Variants in DPP10 observed in about 807,000 individuals in gnomAD.
DPP10 encodes the protein inactive dipeptidyl peptidase 10.
A neutral mutation model predicts 120.9 loss-of-function variants in DPP10; 33 were observed. That is an observed-to-expected ratio of 0.27 (90% confidence interval 0.21 to 0.37). The LOEUF is 0.37. Among genes scored for constraint, DPP10 ranks in the 10% least tolerant of loss-of-function variants. The pLI, the probability that DPP10 is intolerant of heterozygous loss-of-function variation, is 1.00. For synonymous variants in DPP10, 337 were observed against 326.1 expected (o/e 1.03, Z -0.36); for missense variants, 816 against 942.8 (o/e 0.87, Z 1.76).
At chr2:115,678,861 G>A (rs1559019715) in intron 5 of DPP10, among the ~76,000 whole-genome samples, 1 of 152,326 alleles carries the variant, frequency 6.6e-6, no homozygotes, top group East Asian at 1.9e-4. Flanking sequence ...TGCCCTGAAT[G>A]TGGGCCATGG....
At chr2:114,447,286 C>T (rs1254188301) in intron 1 of DPP10, among the ~76,000 whole-genome samples, 6 of 152,198 alleles carry the variant, frequency 3.9e-5, no homozygotes, top group East Asian at 1.9e-4. Context: ...TGAGCCACCG[C>T]GCCCGGCCCA....
At position 115,614,050 on chromosome 2, in the gene DPP10, T is replaced by C. The variant is rs79775593; in HGVS notation, c.442-75637T>C. 5.4e-3 allele frequency among the ~76,000 whole-genome samples: 815 copies of C among 152,284 alleles called. 5 individuals carry two copies. The highest frequency in any genetic ancestry group is 0.019 in the African/African-American group (779 of 41,554). The stretch of plus-strand genomic sequence containing the variant: ...GCTGATGGAGAGATCCAAAAAAGCT[T>C]TGGGGCAGAGCAACACAGCTGTTCA... On this transcript the variant is annotated intron_variant, in intron 5 of 25. Coordinates refer to ENST00000410059, the MANE Select transcript of DPP10 (RefSeq NM_020868.6).
chr2:115,254,584 T>G (rs2058896878), intron 1 of DPP10, among the ~76,000 whole-genome samples: 1 of 152,150 alleles, frequency 6.6e-6, no homozygotes, highest in South Asian at 2.1e-4. Flanking sequence ...CAATGTCTCA[T>G]CTGAGAAAAG....
chr2:115,067,519 T>C (rs1052555699), intron 1 of DPP10, among the ~76,000 whole-genome samples: 1 of 145,680 alleles, frequency 6.9e-6, no homozygotes, highest in African/African-American at 2.5e-5. Context: ...CCCAAAGTGC[T>C]GGGATCACAG....
chr2:114,745,462 C>T (rs1233973575), intron 1 of DPP10, among the ~76,000 whole-genome samples: 2 of 152,224 alleles, frequency 1.3e-5, no homozygotes, highest in East Asian at 1.9e-4. Context: ...AATTCAAGGT[C>T]AGAATTTTTT....
chr2:115,686,707 T>C (rs2091006861), intron 5 of DPP10, among the ~76,000 whole-genome samples: 1 of 152,036 alleles, frequency 6.6e-6, no homozygotes, highest in Non-Finnish European at 1.5e-5. Context: ...AATGATTGGA[T>C]ATCTTAAGGC....
chr2:114,453,313 T>G (rs1000896612), intron 1 of DPP10, among the ~76,000 whole-genome samples: 4 of 152,204 alleles, frequency 2.6e-5, no homozygotes, highest in African/African-American at 9.6e-5. Context: ...TGATCACGTT[T>G]GAGCAAAAGG....
At chr2:115,065,258 T>A (rs889267623) in intron 1 of DPP10, among the ~76,000 whole-genome samples, 1 of 152,220 alleles carries the variant, frequency 6.6e-6, no homozygotes, top group Non-Finnish European at 1.5e-5. Flanking sequence ...TAGAGTTTTT[T>A]AATTACTTTT....
intron 5 of DPP10, among the ~76,000 whole-genome samples, chr2:115,629,028 A>T (rs1003036163): frequency 5.3e-5 from 8 of 151,552 alleles, no homozygotes; most frequent in Non-Finnish European, 1.0e-4. Flanking sequence ...CAGTGTTCTC[A>T]TTGTTCAATT....
At chr2:115,379,167 G>T (rs1238294494) in intron 3 of DPP10, among the ~76,000 whole-genome samples, 2 of 152,182 alleles carry the variant, frequency 1.3e-5, no homozygotes, top group African/African-American at 4.8e-5. Flanking sequence ...ATTCAGCTGT[G>T]AATCCATCTG....
intron 5 of DPP10, among the ~76,000 whole-genome samples, chr2:115,560,433 TATATATATATATAC>T (rs1265931319): frequency 9.9e-5 from 8 of 80,562 alleles, no homozygotes; most frequent in African/African-American, 2.6e-4. Flanking sequence ...TATATATATA[TATATATATATATAC>T]GACAAGCTAC....
intron 17 of DPP10, among the ~76,000 whole-genome samples, chr2:115,790,798 A>G (rs1683886641): frequency 6.6e-6 from 1 of 152,188 alleles, no homozygotes; most frequent in African/African-American, 2.4e-5. Context: ...GGTGCTAGAT[A>G]ATCTTGTATT....
At chr2:114,521,028 C>T (rs1218967740) in intron 1 of DPP10, among the ~76,000 whole-genome samples, 3 of 151,794 alleles carry the variant, frequency 2.0e-5, no homozygotes, top group Non-Finnish European at 2.9e-5. Context: ...CAAGAAGCAC[C>T]GTGAGCAGAA....
At chr2:115,600,716 A>G (rs1265826595) in intron 5 of DPP10, among the ~76,000 whole-genome samples, 3 of 152,230 alleles carry the variant, frequency 2.0e-5, no homozygotes, top group Admixed American at 2.0e-4. Context: ...CTTTTATATC[A>G]ATGAGATTGC....
At chr2:115,688,681 G>T (rs914228405) in intron 5 of DPP10, among the ~76,000 whole-genome samples, 13 of 151,988 alleles carry the variant, frequency 8.6e-5, no homozygotes, top group African/African-American at 3.1e-4. Flanking sequence ...AATTTCCTCT[G>T]TATTCCACTA....
At chr2:115,293,080 G>A (rs2060726424) in intron 1 of DPP10, among the ~76,000 whole-genome samples, 1 of 152,060 alleles carries the variant, frequency 6.6e-6, no homozygotes, top group Non-Finnish European at 1.5e-5. Context: ...CTAGGGTACA[G>A]ATTCACATTA....
chr2:115,523,915 A>G (rs763247649), intron 4 of DPP10, among the ~76,000 whole-genome samples: 2 of 152,190 alleles, frequency 1.3e-5, no homozygotes, highest in Non-Finnish European at 2.9e-5. Context: ...ACTAAAAAAC[A>G]AAATTCTTGA....
intron 3 of DPP10, among the ~76,000 whole-genome samples, chr2:115,400,024 G>C (rs757482823): frequency 6.6e-5 from 10 of 152,136 alleles, no homozygotes; most frequent in African/African-American, 9.7e-5. Flanking sequence ...GTCTCATATG[G>C]CTGGAGCAGG....
intron 1 of DPP10, among the ~76,000 whole-genome samples, chr2:115,011,994 G>A (rs940533596): frequency 8.5e-5 from 13 of 152,108 alleles, no homozygotes; most frequent in African/African-American, 2.2e-4. Flanking sequence ...GGAGCAGGGT[G>A]AGGCCTGTGA....
Sources: gnomAD v4.1 joint callset for allele counts (sites outside exome capture counted in the v4.1 genomes callset) on GRCh38, gnomAD v4.1.1 for gene constraint, MANE v1.5 for transcripts, NCBI Gene and HGNC (gene_info 2026-07-23, HGNC 2026-07-21) for gene names.